Variants in SAMD4A observed in about 807,000 individuals in gnomAD.
SAMD4A encodes the protein sterile alpha motif domain containing 4A.
SAMD4A carries 33 observed loss-of-function variants against 81.3 expected under a neutral mutation model. The observed-to-expected ratio is 0.41, with a 90% CI of 0.31 to 0.54. SAMD4A has a LOEUF of 0.54. Ranked by LOEUF, SAMD4A falls within the 20% of genes least tolerant of loss-of-function variation. The pLI is 0.37. For synonymous variants in SAMD4A, 389 were observed against 382.1 expected (o/e 1.02, Z -0.21); for missense variants, 854 against 951.1 (o/e 0.90, Z 1.34).
intron 8 of SAMD4A, among the ~76,000 whole-genome samples, chr14:54,764,812 G>A (rs2038494042): frequency 6.6e-6 from 1 of 152,212 alleles, no homozygotes; most frequent in Non-Finnish European, 1.5e-5. Context: ...GCAGCCCCGG[G>A]TGGCCAAGCC....
At chr14:54,700,578 C>G (rs1408541601) in intron 2 of SAMD4A, among the ~76,000 whole-genome samples, 1 of 152,190 alleles carries the variant, frequency 6.6e-6, no homozygotes, top group African/African-American at 2.4e-5. Context: ...CCCTTCCAAC[C>G]TTCTAGATAT....
intron 3 of SAMD4A, among the ~76,000 whole-genome samples, chr14:54,733,761 G>A (rs1316023060): frequency 6.6e-6 from 1 of 152,060 alleles, no homozygotes; most frequent in African/African-American, 2.4e-5. Context: ...GACATGCTGG[G>A]GCAGCTAGCA....
rs922609888 is a variant in SAMD4A, at chr14:54,784,159, G to C, written c.2045-378G>C. ...GAGGTAGGAGGGGGCCTGGGGCAGA[G>C]CAGAGGAAGGAGAGAGCTGTATGAG... On this transcript the variant is annotated intron_variant, in intron 11 of 12. Transcript: ENST00000554335. 6.8e-6 allele frequency: 4 copies of C among 587,412 alleles called. No individual in the cohort carries two copies. The African/African-American group carries it at 7.5e-5, about 11-fold the overall frequency. 36.4% of individuals were successfully genotyped at this position (587,412 alleles called of 1,614,324 possible).
At chr14:54,608,538 C>T (rs2034275614) in intron 2 of SAMD4A, among the ~76,000 whole-genome samples, 1 of 152,214 alleles carries the variant, frequency 6.6e-6, no homozygotes, top group Admixed American at 6.5e-5. Context: ...TGGAAAATGC[C>T]ATGCTAAGCC....
At chr14:54,779,678 CTTTTTTT>C (rs11306028) in intron 11 of SAMD4A, among the ~76,000 whole-genome samples, 1 of 139,336 alleles carries the variant, frequency 7.2e-6, no homozygotes, top group African/African-American at 2.7e-5. Flanking sequence ...CATGGACAAG[CTTTTTTT>C]TTTTTTTTTT....
chr14:54,658,562 G>A (rs2035573704), intron 2 of SAMD4A, among the ~76,000 whole-genome samples: 1 of 152,150 alleles, frequency 6.6e-6, no homozygotes, highest in Non-Finnish European at 1.5e-5. Flanking sequence ...AAGCTTGTCT[G>A]ACATCCTGCT....
intron 2 of SAMD4A, among the ~76,000 whole-genome samples, chr14:54,696,352 G>T (rs1372446636): frequency 1.3e-5 from 2 of 152,204 alleles, no homozygotes; most frequent in African/African-American, 4.8e-5. Flanking sequence ...TTTAGTACAT[G>T]ATGTGTCTAG....
chr14:54,580,147 G>T (rs985426781), intron 2 of SAMD4A, among the ~76,000 whole-genome samples: 1 of 152,162 alleles, frequency 6.6e-6, no homozygotes, highest in African/African-American at 2.4e-5. Context: ...CTGTTAGTAG[G>T]GGAAGAGCTG....
intron 2 of SAMD4A, among the ~76,000 whole-genome samples, chr14:54,603,256 A>G (rs777405861): frequency 3.9e-5 from 6 of 152,226 alleles, no homozygotes; most frequent in Non-Finnish European, 8.8e-5. Flanking sequence ...GTGAATAGAG[A>G]ATCTCATGAT....
chr14:54,786,019 G>A (rs905850986), intron 12 of SAMD4A, among the ~76,000 whole-genome samples: 11 of 152,232 alleles, frequency 7.2e-5, no homozygotes, highest in African/African-American at 2.7e-4. Context: ...AGGAGGTGCT[G>A]CCAGCTCATC....
chr14:54,599,100 A>C (rs2033987990), intron 2 of SAMD4A, among the ~76,000 whole-genome samples: 1 of 152,200 alleles, frequency 6.6e-6, no homozygotes. Flanking sequence ...GATTACAGGC[A>C]TGAGCCAGTG....
At chr14:54,655,779 C>T (rs1024459365) in intron 2 of SAMD4A, among the ~76,000 whole-genome samples, 6 of 151,984 alleles carry the variant, frequency 3.9e-5, no homozygotes, top group South Asian at 4.2e-4. Context: ...GAATATAGAT[C>T]GGGAGTCAGA....
intron 7 of SAMD4A, among the ~76,000 whole-genome samples, 180 bp from the exon 8 acceptor site, chr14:54,764,275 G>A (rs546209101): frequency 6.6e-6 from 1 of 152,298 alleles, no homozygotes; most frequent in African/African-American, 2.4e-5. Context: ...GGGCTCCCAC[G>A]GTGACCCAGC....
chr14:54,768,252 G>A (rs976217024), intron 8 of SAMD4A, among the ~76,000 whole-genome samples: 1 of 152,166 alleles, frequency 6.6e-6, no homozygotes, highest in Non-Finnish European at 1.5e-5. Context: ...CCAAACGGCC[G>A]GTCTGTGCAG....
chr14:54,668,968 A>G (rs1013547049), intron 2 of SAMD4A: 2 of 152,306 alleles, frequency 1.3e-5, no homozygotes, highest in Non-Finnish European at 2.9e-5. Flanking sequence ...TGAAATGTTC[A>G]CAAAGAAGGC....
rs2036734032 is a variant in SAMD4A, at chr14:54,702,094, G to A, written c.229G>A (p.Asp77Asn). 6.2e-7 allele frequency: 1 copy of A among 1,613,984 alleles called. No individual in the cohort carries two copies. The highest frequency in any genetic ancestry group is 1.7e-5 in the Admixed American group (1 of 59,992). ...TAACCAATGGCAACAGGAATCCAAG[G>A]ATAAAGTGATTTCCCTCCTGTTAAC... ...IINQWQQESK[D>N]KVISLLLTHL... Residue 77 changes from aspartate (D) to asparagine (N), a missense_variant, in exon 3 of 13, where the codon GAT becomes AAT. Physicochemically the swap from Asp to Asn is conservative, Grantham distance 23. Transcript: ENST00000554335.
At chr14:54,740,739 G>A (rs549290070) in intron 4 of SAMD4A, among the ~76,000 whole-genome samples, 1 of 152,280 alleles carries the variant, frequency 6.6e-6, no homozygotes, top group African/African-American at 2.4e-5. Context: ...CTTGGTGTTA[G>A]CGTTCCCTGC....
intron 2 of SAMD4A, among the ~76,000 whole-genome samples, chr14:54,617,651 G>A (rs1000344142): frequency 2.0e-5 from 3 of 152,144 alleles, no homozygotes; most frequent in Non-Finnish European, 4.4e-5. Context: ...TTAATTTTAA[G>A]AAATCTTTCG....
chr14:54,565,905 C>G (rs1349277418), upstream of SAMD4A, among the ~76,000 whole-genome samples: 9 of 151,976 alleles, frequency 5.9e-5, no homozygotes, highest in South Asian at 1.9e-3. This position sits in a 1 kb window ranked among gnomAD's most constrained non-coding sequence, Gnocchi z 5.4. Context: ...TCCCACTCCG[C>G]TCCCCTCCCC....
Sources: gnomAD v4.1 joint callset for allele counts (sites outside exome capture counted in the v4.1 genomes callset) on GRCh38, gnomAD v4.1.1 for gene constraint, Gnocchi (gnomAD v3.1) non-coding constraint, MANE v1.5 for transcripts, NCBI Gene and HGNC (gene_info 2026-07-23, HGNC 2026-07-21) for gene names.